The following BCO2 variants were observed in gnomAD, a reference collection of about 807,000 sequenced individuals.
BCO2 encodes the protein beta-carotene oxygenase 2.
Under a neutral mutation model 65.8 loss-of-function variants are expected in BCO2, and 56 were observed. That is an observed-to-expected ratio of 0.85 (90% CI 0.69 to 1.06). The LOEUF is 1.06. Ranked by LOEUF, BCO2 falls within the 50% of genes least tolerant of loss-of-function variation. The probability of loss-of-function intolerance (pLI) is 0.00; values close to 1 mark genes in which losing one functional copy is unlikely to be tolerated. For synonymous variants in BCO2, 233 were observed against 242.3 expected (o/e 0.96, Z 0.36); for missense variants, 675 against 698.5 (o/e 0.97, Z 0.38).
At chr11:112,215,210 C>G (rs976514573) in intron 10 of BCO2, 2 of 431,866 alleles carry the variant, frequency 4.6e-6, no homozygotes, top group Non-Finnish European at 8.4e-6. Flanking sequence ...TGTTAGGACA[C>G]CTATATTTAA....
Position 112,202,119 on chromosome 11 carries a change from C to G in BCO2, c.1123C>G (p.Gln375Glu), listed in dbSNP as rs892694554. The G allele has an allele frequency of 3.1e-6, 5 of 1,613,794 alleles. No individual in the cohort carries two copies. In the African/African-American group the frequency reaches 4.0e-5, roughly 13 times the overall value. The change falls in exon 8 of 12, where the codon CAA becomes GAA. Residue 375 changes from glutamine (Q) to glutamate (E), a missense_variant. Gln to Glu is a conservative substitution (Grantham distance 29, BLOSUM62 2). Coordinates refer to ENST00000357685, the MANE Select transcript of BCO2 (RefSeq NM_031938.7). ...QGCVIIDLCC[Q>E]DNGRTLEVYQ... The stretch of plus-strand genomic sequence containing the variant: ...CTGTGTTATAATTGATTTGTGCTGT[C>G]AAGATAATGGAAGAACCCTAGAAGT...
chr11:112,193,344 C>A, intron 2 of BCO2, 130 bp from the exon 3 acceptor site: 2 of 846,884 alleles, frequency 2.4e-6, no homozygotes, highest in Non-Finnish European at 3.7e-6. Context: ...AGTTCTCTGA[C>A]TAATCAGGTT....
intron 2 of BCO2, among the ~76,000 whole-genome samples, chr11:112,192,321 CCT>C (rs1264818667): frequency 6.6e-6 from 1 of 152,072 alleles, no homozygotes; most frequent in Non-Finnish European, 1.5e-5. Context: ...CAAAATTTCC[CCT>C]CTTACCTCTT....
intron 1 of BCO2, among the ~76,000 whole-genome samples, chr11:112,179,021 T>G (rs1218199660): frequency 6.6e-6 from 1 of 152,216 alleles, no homozygotes; most frequent in South Asian, 2.1e-4. Context: ...TTAGGCAGAT[T>G]AGTAGTCCTA....
chr11:112,216,954 T>A (rs1379932736), intron 11 of BCO2, among the ~76,000 whole-genome samples: 1 of 152,240 alleles, frequency 6.6e-6, no homozygotes, highest in Non-Finnish European at 1.5e-5. Flanking sequence ...CAATTAGCGA[T>A]ATCTGCCATG....
chr11:112,182,527 A>G (rs1867081324), intron 2 of BCO2, among the ~76,000 whole-genome samples: 1 of 152,222 alleles, frequency 6.6e-6, no homozygotes, highest in African/African-American at 2.4e-5. Context: ...AGCCATAAAA[A>G]AGGATGAGTT....
intron 10 of BCO2, chr11:112,216,009 T>A: frequency 1.8e-6 from 1 of 556,864 alleles, no homozygotes; most frequent in Non-Finnish European, 3.2e-6. Flanking sequence ...GGGATGGTGC[T>A]AAGCTATTCA....
At chr11:112,186,357 A>C (rs1867200751) in intron 2 of BCO2, among the ~76,000 whole-genome samples, 1 of 152,204 alleles carries the variant, frequency 6.6e-6, no homozygotes. Flanking sequence ...TTTGTCCTCA[A>C]ATCAGTTTCT....
rs758725440 is a variant in BCO2 at position 112,194,745 on chromosome 11, T to C, written c.726T>C (p.Phe242=). ...CAGCATACAATATGGGGAACTCCTTTGGGCCATATGGTAAAGTTGCAATAA... is the reference window on the plus strand; with the variant it reads ...CAGCATACAATATGGGGAACTCCTTCGGGCCATATGGTAAAGTTGCAATAA... ...DGTAYNMGNS[F]GPYGFSYKVI... The change falls in exon 5 of 12, where the codon TTT becomes TTC. Residue 242 remains phenylalanine, a synonymous_variant. Transcript: ENST00000357685. The C allele has an allele frequency of 3.1e-6, 5 of 1,594,378 alleles. No homozygotes were observed. The highest frequency in any genetic ancestry group is 1.7e-5 in the Admixed American group (1 of 58,912).
intron 7 of BCO2, 135 bp downstream of exon 7, chr11:112,200,908 A>G (rs1481704667): frequency 5.6e-6 from 5 of 890,954 alleles, no homozygotes; most frequent in Non-Finnish European, 7.0e-6. Flanking sequence ...ACCTTCTTCT[A>G]TAGGTTGAGC....
intron 5 of BCO2, among the ~76,000 whole-genome samples, chr11:112,196,291 G>A (rs1867572014): frequency 6.6e-6 from 1 of 151,878 alleles, no homozygotes; most frequent in Admixed American, 6.6e-5. Flanking sequence ...TTGGTTCAGT[G>A]AGAAGTTTAT....
intron 2 of BCO2, among the ~76,000 whole-genome samples, chr11:112,188,154 C>G (rs1036494625): frequency 6.6e-6 from 1 of 152,206 alleles, no homozygotes. Flanking sequence ...CAGACTCTCT[C>G]AAAACCGAGC....
chr11:112,179,440 T>C lies in BCO2; in HGVS notation c.251T>C (p.Leu84Pro), dbSNP rs761129583. Residue 84 changes from leucine to proline, a missense_variant, in exon 2 of 12, where the codon CTA becomes CCA. Transcript: ENST00000357685. ...GHFPKWLNGS[L>P]LRIGPGKFEF... ...TTTCCTAAGTGGCTCAATGGCTCTC[T>C]ACTTCGAATTGGACCTGGGAAATTC... 11 of 1,614,072 alleles carry C rather than the reference T, an allele frequency of 6.8e-6. No individual in the cohort carries two copies. The highest frequency in any genetic ancestry group is 9.3e-6 in the Non-Finnish European group (11 of 1,180,040).
chr11:112,179,331 T>TG lies in BCO2; in HGVS notation c.143dup (p.Cys48TrpfsTer31). 1 of 1,614,194 alleles carries TG rather than the reference T, an allele frequency of 6.2e-7. No homozygotes were observed. The highest frequency in any genetic ancestry group is 8.5e-7 in the Non-Finnish European group (1 of 1,180,036). On this transcript the variant is annotated frameshift_variant, in exon 2 of 12. Coordinates refer to ENST00000357685, the MANE Select transcript of BCO2 (RefSeq NM_031938.7). LOFTEE classifies it high-confidence loss of function. ...TCAGAAAAAAGCCGTCTTTGGGCAG[T>TG]GTCGGGGTCTGCCATGTGTTGCACC...
chr11:112,179,979 C>A (rs1026760751), intron 2 of BCO2: 4 of 158,308 alleles, frequency 2.5e-5, no homozygotes, highest in Middle Eastern at 3.1e-3. Context: ...TTGAGCCTTT[C>A]CTGATCTCCC....
Position 112,199,756 on chromosome 11 carries a change from T to A in BCO2, c.794T>A (p.Ile265Asn), listed in dbSNP as rs201346935. 5 of 1,613,624 alleles carry A rather than the reference T, an allele frequency of 3.1e-6. No individual in the cohort carries two copies. The East Asian group carries it at 1.1e-4, about 36-fold the overall frequency. Residue 265 changes from isoleucine (I) to asparagine (N), a missense_variant, in exon 6 of 12, where the codon ATC becomes AAC. Ile to Asn is a moderately radical substitution (Grantham distance 149). Coordinates refer to ENST00000357685, the MANE Select transcript of BCO2 (RefSeq NM_031938.7). The stretch of plus-strand genomic sequence containing the variant: ...GAGAAGGTGGACCTTGGGGAGACAA[T>A]CCATGGAGTCCAGGTGATATGTTCT... ...PPEKVDLGET[I>N]HGVQVICSIA... is the part of the protein sequence containing the mutation.
intron 2 of BCO2, among the ~76,000 whole-genome samples, chr11:112,187,063 A>T (rs986822776): frequency 2.0e-5 from 3 of 151,914 alleles, no homozygotes; most frequent in African/African-American, 7.3e-5. Flanking sequence ...GAATTTCTCC[A>T]CCCCTGAAAT....
chr11:112,203,705 A>G (rs997270450), intron 8 of BCO2, among the ~76,000 whole-genome samples: 2 of 152,196 alleles, frequency 1.3e-5, no homozygotes, highest in East Asian at 1.9e-4. Flanking sequence ...TGTTCATACT[A>G]CATATCTACT....
Position 112,214,864 on chromosome 11 carries a change from C to T in BCO2, c.1435C>T (p.His479Tyr). The change falls in exon 10 of 12, where the codon CAT (histidine) becomes TAT (tyrosine). Residue 479 changes from histidine to tyrosine, a missense_variant. His to Tyr is a moderately conservative substitution (Grantham distance 83). Coordinates refer to ENST00000357685, the MANE Select transcript of BCO2 (RefSeq NM_031938.7). ...TGATCGATTCAGTGGCAAAAAGTATCATTTCTTTTATGGCTGTGGCTTTCG... is the reference window on the plus strand; with the variant it reads ...TGATCGATTCAGTGGCAAAAAGTATTATTTCTTTTATGGCTGTGGCTTTCG... ...YYDRFSGKKY[H>Y]FFYGCGFRHL... The T allele has an allele frequency of 6.2e-7, 1 of 1,614,074 alleles. No individual in the cohort carries two copies. Among genetic ancestry groups the T allele is most frequent in the Non-Finnish European group, 8.5e-7 (1 of 1,179,966 alleles).
Sources: gnomAD v4.1 joint callset for allele counts (sites outside exome capture counted in the v4.1 genomes callset) on GRCh38, gnomAD v4.1.1 for gene constraint, MANE v1.5 for transcripts, NCBI Gene and HGNC (gene_info 2026-07-23, HGNC 2026-07-21) for gene names.